MAL2: variants seen among roughly 807,000 people sequenced by gnomAD.
MAL2 encodes the protein mal, T cell differentiation protein 2.
Under a neutral mutation model 18.1 loss-of-function variants are expected in MAL2, and 17 were observed. The ratio of observed to expected loss-of-function variants is 0.94; its 90% CI spans 0.64 to 1.41. The LOEUF is 1.41. Ranked by LOEUF, MAL2 falls within the 40% of genes most tolerant of loss-of-function variation. The probability of loss-of-function intolerance (pLI) is 0.00; values close to 1 mark genes in which losing one functional copy is unlikely to be tolerated. For synonymous variants in MAL2, 102 were observed against 102.3 expected (o/e 1.00, Z 0.02); for missense variants, 222 against 231.9 (o/e 0.96, Z 0.28).
intron 1 of MAL2, chr8:119,220,988 G>C (rs1817453719): frequency 6.6e-6 from 1 of 152,176 alleles, no homozygotes; most frequent in Admixed American, 6.5e-5. Context: ...GGTATTTATT[G>C]ATACTTAGAT....
rs555396091 is a variant in MAL2, at chr8:119,229,772, C to G, written c.303+8015C>G. Among the ~76,000 whole-genome samples, 23 of 152,324 alleles carry G rather than the reference C, an allele frequency of 1.5e-4. 1 individual carries two copies. In the South Asian group the frequency reaches 4.8e-3, roughly 32 times the overall value. On this transcript the variant is annotated intron_variant, in intron 2 of 3. Transcript: ENST00000614891. Reference sequence around the variant, plus strand: ...GCTGTCCCTTTCAACCTTGCAACCACATAGGAGCCAACTCTTCCAAAAACA... The same window carrying G: ...GCTGTCCCTTTCAACCTTGCAACCAGATAGGAGCCAACTCTTCCAAAAACA...
chr8:119,219,499 C>T (rs1018652033), intron 1 of MAL2, among the ~76,000 whole-genome samples: 13 of 150,856 alleles, frequency 8.6e-5, no homozygotes, highest in African/African-American at 2.4e-4. Context: ...AATTTAAGAG[C>T]GTGCTCTATC....
intron 2 of MAL2, chr8:119,224,315 G>A (rs1014328368): frequency 1.3e-5 from 2 of 151,792 alleles, no homozygotes; most frequent in Non-Finnish European, 2.9e-5. Flanking sequence ...TTTTTTTTCT[G>A]GAGAGGAAAA....
chr8:119,221,491 A>T lies in MAL2; in HGVS notation c.133-96A>T, dbSNP rs996399216. 23 of 1,466,400 alleles carry T rather than the reference A, an allele frequency of 1.6e-5. No homozygotes were observed. The African/African-American group carries it at 3.2e-4, about 21-fold the overall frequency. 90.8% of individuals were successfully genotyped at this position (1,466,400 alleles called of 1,614,324 possible). A position where few individuals can be genotyped will look rare whatever the true frequency, so the allele number is the denominator to read the frequency against. On this transcript the variant is annotated intron_variant, in intron 1 of 3. Coordinates refer to ENST00000614891, the MANE Select transcript of MAL2 (RefSeq NM_052886.3). ...AATATGTGCAGGGGTCTGGGAGGAA[A>T]ATGAAGGCAATGCTGAGGGTAATAC...
intron 2 of MAL2, among the ~76,000 whole-genome samples, chr8:119,222,595 A>AGGCAGGAGG (rs1339124732): frequency 1.3e-5 from 2 of 151,870 alleles, no homozygotes; most frequent in Non-Finnish European, 2.9e-5. Context: ...TGGGAAGCTG[A>AGGCAGGAGG]GGCAGGAGGA....
At chr8:119,212,793 C>T (rs930844490) in intron 1 of MAL2, among the ~76,000 whole-genome samples, 2 of 152,162 alleles carry the variant, frequency 1.3e-5, no homozygotes, top group South Asian at 4.2e-4. Context: ...ATGGCAAGAA[C>T]GTTCTGTCAG....
chr8:119,230,506 A>G (rs1191975436), intron 2 of MAL2, among the ~76,000 whole-genome samples: 1 of 152,116 alleles, frequency 6.6e-6, no homozygotes, highest in Non-Finnish European at 1.5e-5. Context: ...AGACAATACC[A>G]TGTGTAAAGA....
chr8:119,220,356 C>A (rs11990379), intron 1 of MAL2, among the ~76,000 whole-genome samples: 14,032 of 152,234 alleles, frequency 0.092, 1,938 homozygotes, highest in African/African-American at 0.3. Flanking sequence ...CTCTGTTGGT[C>A]TAACAGTCTC....
At chr8:119,234,068 G>A (rs1817806782) in intron 2 of MAL2, among the ~76,000 whole-genome samples, 2 of 152,200 alleles carry the variant, frequency 1.3e-5, no homozygotes, top group South Asian at 2.1e-4. Context: ...TCACTAGGGA[G>A]TGCCAGACAG....
chr8:119,223,488 A>G (rs1289104131), intron 2 of MAL2: 2 of 152,182 alleles, frequency 1.3e-5, no homozygotes, highest in African/African-American at 4.8e-5. Flanking sequence ...CATTTGTAGC[A>G]TTATATCTGA....
chr8:119,235,906 TAAC>T (rs1354282317), intron 2 of MAL2, among the ~76,000 whole-genome samples: 1 of 109,746 alleles, frequency 9.1e-6, no homozygotes, highest in African/African-American at 4.2e-5. Context: ...AATCACCAGC[TAAC>T]ATCATAATGA....
At chr8:119,219,932 A>G (rs1554638099) in intron 1 of MAL2, among the ~76,000 whole-genome samples, 1 of 152,186 alleles carries the variant, frequency 6.6e-6, no homozygotes, top group Non-Finnish European at 1.5e-5. Context: ...TCTCAAGTAC[A>G]CATAGGGAGG....
intron 2 of MAL2, 95 bp downstream of exon 2, chr8:119,221,852 C>G (rs1817470092): frequency 4.9e-5 from 66 of 1,334,148 alleles, no homozygotes; most frequent in Non-Finnish European, 6.7e-5. Flanking sequence ...TCTGTTGCCC[C>G]TAATGGGAGA....
In MAL2 at chr8:119,240,340, G is replaced by C. The variant is rs547923993; in HGVS notation, c.459+20G>C. 1 of 1,610,072 alleles carries C rather than the reference G, an allele frequency of 6.2e-7. No homozygotes were observed. Reference sequence around the variant, plus strand: ...GCCTCAGTAAGTATTCATATTCAATGAGTACCATTCACCAGCACTTCCGCT... The same window carrying C: ...GCCTCAGTAAGTATTCATATTCAATCAGTACCATTCACCAGCACTTCCGCT... On this transcript the variant is annotated intron_variant, in intron 3 of 3. Coordinates refer to ENST00000614891, the MANE Select transcript of MAL2 (RefSeq NM_052886.3).
At chr8:119,237,984 G>A (rs1022072491) in intron 2 of MAL2, among the ~76,000 whole-genome samples, 5 of 152,226 alleles carry the variant, frequency 3.3e-5, no homozygotes, top group African/African-American at 9.7e-5. Context: ...TAGGAAAAGA[G>A]GAAGTCATAT....
At chr8:119,214,330 A>AGGTTTC (rs1817310797) in intron 1 of MAL2, among the ~76,000 whole-genome samples, 3 of 152,202 alleles carry the variant, frequency 2.0e-5, no homozygotes, top group Admixed American at 2.0e-4. Context: ...ATTCTTCTCC[A>AGGTTTC]GGTTTCTGCA....
rs1429031758 is a variant in MAL2, at chr8:119,240,155, C to T, written c.304-10C>T. On this transcript the variant is annotated splice_polypyrimidine_tract_variant and intron_variant, in intron 2 of 3. Transcript: ENST00000614891. ...TTTTAATTGCAGATGTCTTTTCTCT[C>T]CTCTTTTAGGATTTTGCCTACCATT... is the stretch of plus-strand genomic sequence containing the variant. 11 of 1,610,598 alleles carry T rather than the reference C, an allele frequency of 6.8e-6. No individual in the cohort carries two copies. The highest frequency in any genetic ancestry group is 9.3e-6 in the Non-Finnish European group (11 of 1,178,286).
intron 1 of MAL2, chr8:119,215,135 C>T (rs1817328279): frequency 6.6e-6 from 1 of 152,362 alleles, no homozygotes; most frequent in South Asian, 2.1e-4. Context: ...GTCATGAATT[C>T]AACTGGCAAG....
chr8:119,230,306 A>T (rs1005683576), intron 2 of MAL2, among the ~76,000 whole-genome samples: 16 of 152,188 alleles, frequency 1.1e-4, no homozygotes, highest in African/African-American at 3.9e-4. Context: ...GAGAAGCGCG[A>T]GAAGTGTGTT....
Sources: allele counts gnomAD v4.1 joint callset (sites outside exome capture counted in the v4.1 genomes callset), GRCh38; gene constraint gnomAD v4.1.1; transcripts MANE v1.5; gene names NCBI Gene and HGNC (gene_info 2026-07-23, HGNC 2026-07-21).